The following GLIS3 variants were observed in gnomAD, a reference collection of about 807,000 sequenced individuals.
The protein encoded by GLIS3 is GLIS family zinc finger 3, also known as zinc finger protein GLIS3.
Under a neutral mutation model 78.6 loss-of-function variants are expected in GLIS3, and 53 were observed. That is an observed-to-expected ratio of 0.67 (90% CI 0.54 to 0.85). The LOEUF is 0.85. Among genes scored for constraint, GLIS3 ranks in the 40% least tolerant of loss-of-function variants. The pLI is 0.00. For synonymous variants in GLIS3, 684 were observed against 509.9 expected (o/e 1.34, Z -4.60); for missense variants, 1,703 against 1,231.1 (o/e 1.38, Z -5.74).
In GLIS3 at chr9:4,118,546, C is replaced by G; in HGVS notation, c.932G>C (p.Gly311Ala). The G allele has an allele frequency of 6.2e-7, 1 of 1,614,218 alleles. No individual in the cohort carries two copies. The highest frequency in any genetic ancestry group is 8.5e-7 in the Non-Finnish European group (1 of 1,180,038). The part of the protein sequence containing the change: ...RALSLSPLSD[G>A]IGIDFNTIIR... ...GATGGTATTGAAATCTATCCCGATGCCATCGGACAGCGGGGACAAGGACAG... is the reference window on the plus strand; with the variant it reads ...GATGGTATTGAAATCTATCCCGATGGCATCGGACAGCGGGGACAAGGACAG... Residue 311 changes from glycine (G) to alanine (A), a missense_variant, in exon 4 of 11, where the codon GGC (glycine) becomes GCC (alanine). Coordinates refer to ENST00000381971, the MANE Select transcript of GLIS3 (RefSeq NM_001042413.2). This position sits in a 1 kb window ranked among gnomAD's most constrained non-coding sequence, Gnocchi z 4.7.
intron 3 of GLIS3, 132 bp from the exon 4 acceptor site, chr9:4,119,013 C>T (rs1186566404): frequency 2.1e-6 from 2 of 957,964 alleles, no homozygotes; most frequent in Non-Finnish European, 3.1e-6. Flanking sequence ...CTGTGCTAAA[C>T]ACACATTCTT....
chr9:3,934,226 T>C (rs1825769866), intron 5 of GLIS3, among the ~76,000 whole-genome samples: 1 of 152,170 alleles, frequency 6.6e-6, no homozygotes, highest in South Asian at 2.1e-4. Flanking sequence ...CCTGCCCTGG[T>C]TTCAGGAGTG....
chr9:3,905,333 G>C (rs939770307), intron 6 of GLIS3, among the ~76,000 whole-genome samples: 2 of 151,976 alleles, frequency 1.3e-5, no homozygotes, highest in African/African-American at 4.8e-5. Flanking sequence ...TTCAGAGCTT[G>C]TTCTAGGAGG....
chr9:3,868,430 C>T (rs928937570), intron 8 of GLIS3, among the ~76,000 whole-genome samples: 1 of 49,368 alleles, frequency 2.0e-5, no homozygotes, highest in Non-Finnish European at 5.5e-5. Flanking sequence ...ACATAAAATA[C>T]AAGCTTCAAA....
chr9:3,934,868 C>T (rs958375314), intron 5 of GLIS3, among the ~76,000 whole-genome samples: 3 of 152,172 alleles, frequency 2.0e-5, no homozygotes, highest in Non-Finnish European at 4.4e-5. Context: ...ACTGCTGCAA[C>T]TGTCATTTTA....
the GLIS3 span, among the ~76,000 whole-genome samples, chr9:4,366,712 A>AG: frequency 7.2e-5 from 11 of 152,300 alleles, no homozygotes; most frequent in South Asian, 4.1e-4. Context: ...AGCTGGCTGG[A>AG]GGCTCCAGGC....
intron 4 of GLIS3, among the ~76,000 whole-genome samples, chr9:4,011,694 T>G (rs1346677965): frequency 1.3e-5 from 2 of 152,204 alleles, no homozygotes; most frequent in African/African-American, 2.4e-5. Flanking sequence ...CTTTATTTTC[T>G]AATTGATTTT....
chr9:4,251,134 G>C (rs971977614), intron 2 of GLIS3, among the ~76,000 whole-genome samples: 1 of 152,200 alleles, frequency 6.6e-6, no homozygotes, highest in African/African-American at 2.4e-5. Context: ...ACTTGGTCCA[G>C]AGCTGAGTTC....
intron 9 of GLIS3, among the ~76,000 whole-genome samples, chr9:3,854,469 T>C (rs961684742): frequency 6.6e-6 from 1 of 151,802 alleles, no homozygotes; most frequent in African/African-American, 2.4e-5. Flanking sequence ...TTTTTCAAGG[T>C]CTCTTCCTTC....
chr9:3,906,133 A>G (rs532932550), intron 6 of GLIS3, among the ~76,000 whole-genome samples: 27 of 152,376 alleles, frequency 1.8e-4, no homozygotes, highest in Admixed American at 9.8e-4. Context: ...ACAAATTGCC[A>G]GAGGTCAGAT....
chr9:4,285,709 G>A (rs1827929191), intron 2 of GLIS3: 3 of 337,684 alleles, frequency 8.9e-6, no homozygotes, highest in Non-Finnish European at 1.7e-5. Flanking sequence ...AGCGCTACCT[G>A]TATCCGGAGG....
chr9:3,826,693 C>T lies in GLIS3; in HGVS notation c.*1579G>A, dbSNP rs774303824. ...GGACTGTGGAGGGAGACTGGAAGGA[C>T]CTGTCAGTATACAAACTGTCACAGA... On this transcript the variant is annotated 3_prime_UTR_variant, in exon 11 of 11. Transcript: ENST00000381971. 6.6e-6 allele frequency: 1 copy of T among 152,178 alleles called. No homozygotes were observed. The highest frequency in any genetic ancestry group is 1.5e-5 in the Non-Finnish European group (1 of 68,040). The allele number at this position is 152,178 out of a possible 1,614,324, so 9.4% of individuals were successfully genotyped here. A position where few individuals can be genotyped will look rare whatever the true frequency, so the allele number is the denominator to read the frequency against.
At chr9:4,064,307 A>G (rs1035288423) in intron 4 of GLIS3, among the ~76,000 whole-genome samples, 7 of 152,194 alleles carry the variant, frequency 4.6e-5, no homozygotes, top group African/African-American at 1.7e-4. Flanking sequence ...TTTTTTAAAA[A>G]TATTAAGCTA....
chr9:3,967,937 A>G (rs142843073), intron 4 of GLIS3, among the ~76,000 whole-genome samples: 2 of 152,212 alleles, frequency 1.3e-5, no homozygotes, highest in African/African-American at 4.8e-5. Context: ...GTGAGCAAAT[A>G]ATGCTTTGTT....
intron 2 of GLIS3, among the ~76,000 whole-genome samples, chr9:4,209,267 G>C (rs1457431183): frequency 2.0e-5 from 3 of 152,050 alleles, no homozygotes; most frequent in African/African-American, 4.8e-5. Context: ...CCATACACTG[G>C]TGCTCCTTCC....
intron 2 of GLIS3, among the ~76,000 whole-genome samples, chr9:4,242,939 T>C (rs1267476635): frequency 1.3e-5 from 2 of 152,212 alleles, no homozygotes; most frequent in Admixed American, 1.3e-4. Flanking sequence ...GCTTACACTA[T>C]ATTTCTATTA....
At chr9:3,929,430 G>C (rs542507383) in intron 6 of GLIS3, among the ~76,000 whole-genome samples, 1 of 152,204 alleles carries the variant, frequency 6.6e-6, no homozygotes, top group East Asian at 1.9e-4. Flanking sequence ...GATCCGACAG[G>C]TGTGGGAAAG....
rs559038751 is a variant in GLIS3 at position 3,907,731 on chromosome 9, G to A, written c.1984-8896C>T. 1.4e-3 allele frequency among the ~76,000 whole-genome samples: 214 copies of A among 151,880 alleles called. 2 individuals are homozygous for A. The highest frequency in any genetic ancestry group is 3.4e-3 in the Admixed American group (52 of 15,274). On this transcript the variant is annotated intron_variant, in intron 6 of 10. Coordinates refer to ENST00000381971, the MANE Select transcript of GLIS3 (RefSeq NM_001042413.2). ...TGTTCCAGAGCTCCCTGTGGGATTG[G>A]GCTAGGCTGAGACTACCTGAATTGG...
chr9:4,085,432 C>T (rs1171805677), intron 4 of GLIS3, among the ~76,000 whole-genome samples: 1 of 152,144 alleles, frequency 6.6e-6, no homozygotes, highest in Non-Finnish European at 1.5e-5. Context: ...ATCTCTCAGA[C>T]CTCACTTTTC....
Sources: allele counts gnomAD v4.1 joint callset (sites outside exome capture counted in the v4.1 genomes callset), GRCh38; gene constraint gnomAD v4.1.1; non-coding constraint Gnocchi (gnomAD v3.1); transcripts MANE v1.5; gene names NCBI Gene and HGNC (gene_info 2026-07-23, HGNC 2026-07-21).